RSRC1: variants seen among roughly 807,000 people sequenced by gnomAD.
RSRC1 encodes arginine and serine rich coiled-coil 1, also known as serine/Arginine-related protein 53.
In RSRC1, 39 loss-of-function variants were observed where a neutral mutation model predicts 49.1. The observed-to-expected ratio is 0.79, with a 90% CI of 0.61 to 1.04. The LOEUF is 1.04. RSRC1 is among the 50% of genes least tolerant of loss of function. The pLI is 0.00. For synonymous variants in RSRC1, 143 were observed against 130.8 expected (o/e 1.09, Z -0.63); for missense variants, 388 against 402.4 (o/e 0.96, Z 0.31).
rs527839419 is a variant in RSRC1, at chr3:158,379,240, G to A, written c.583+24332G>A. On this transcript the variant is annotated intron_variant, in intron 6 of 9. Transcript: ENST00000611884. ...TTTTGAGACCGAGTCTCGCTCTGTCGCCCAGGCTGGAGTGCAGTGGCGCGA... is the reference window on the plus strand; with the variant it reads ...TTTTGAGACCGAGTCTCGCTCTGTCACCCAGGCTGGAGTGCAGTGGCGCGA... 1.2e-4 allele frequency among the ~76,000 whole-genome samples: 15 copies of A among 120,192 alleles called. No individual in the cohort carries two copies. The South Asian group carries it at 1.4e-3, about 11-fold the overall frequency. 78.9% of individuals were successfully genotyped at this position (120,192 alleles called of 152,430 possible).
chr3:158,243,950 GT>G (rs57801130), intron 4 of RSRC1, among the ~76,000 whole-genome samples: 34,422 of 134,352 alleles, frequency 0.26, 4,190 homozygotes, highest in South Asian at 0.29. Context: ...TGAGACTATG[GT>G]TTTTTTTTTT....
chr3:158,169,803 C>T (rs370889316), intron 3 of RSRC1, among the ~76,000 whole-genome samples: 44 of 152,162 alleles, frequency 2.9e-4, no homozygotes, highest in East Asian at 2.1e-3. Context: ...TTGACTGTTA[C>T]GATATATGTC....
intron 4 of RSRC1, among the ~76,000 whole-genome samples, chr3:158,235,858 C>T (rs1254136253): frequency 6.6e-6 from 1 of 152,194 alleles, no homozygotes. Flanking sequence ...TGGCTCATGC[C>T]TATCATCCCA....
intron 7 of RSRC1, among the ~76,000 whole-genome samples, chr3:158,475,448 T>G (rs1738325002): frequency 6.6e-6 from 1 of 152,188 alleles, no homozygotes; most frequent in African/African-American, 2.4e-5. Flanking sequence ...TTTTTACAGA[T>G]TGAAGGTTTG....
chr3:158,252,350 A>G (rs1230470278), intron 4 of RSRC1, among the ~76,000 whole-genome samples: 1 of 150,430 alleles, frequency 6.6e-6, no homozygotes, highest in Non-Finnish European at 1.5e-5. Flanking sequence ...TTTTTTAAGT[A>G]GAGATGGGGT....
At chr3:158,259,982 C>G (rs1430174398) in intron 4 of RSRC1, among the ~76,000 whole-genome samples, 1 of 151,852 alleles carries the variant, frequency 6.6e-6, no homozygotes, top group African/African-American at 2.4e-5. Context: ...TAAGTTGGGT[C>G]CCCTGTGGCC....
intron 3 of RSRC1, among the ~76,000 whole-genome samples, chr3:158,129,145 T>C (rs778639712): frequency 4.6e-5 from 7 of 152,114 alleles, no homozygotes; most frequent in South Asian, 2.1e-4. Context: ...TTACTAACTT[T>C]AGCATCTCTC....
chr3:158,399,856 C>T (rs1486788670), intron 6 of RSRC1, among the ~76,000 whole-genome samples: 1 of 152,114 alleles, frequency 6.6e-6, no homozygotes, highest in Non-Finnish European at 1.5e-5. Flanking sequence ...TTACTCTATA[C>T]ATTTCTTTTC....
At chr3:158,186,292 A>G (rs1942068915) in intron 3 of RSRC1, among the ~76,000 whole-genome samples, 1 of 152,022 alleles carries the variant, frequency 6.6e-6, no homozygotes, top group Admixed American at 6.6e-5. Flanking sequence ...TGTTCAGAAT[A>G]CATATGGCCC....
chr3:158,125,380 T>C (rs1354007813), intron 3 of RSRC1, among the ~76,000 whole-genome samples: 1 of 152,160 alleles, frequency 6.6e-6, no homozygotes, highest in Non-Finnish European at 1.5e-5. Context: ...CTTTCAGTAT[T>C]GCTTTTGCTG....
At chr3:158,322,494 A>G (rs947226494) in intron 5 of RSRC1, among the ~76,000 whole-genome samples, 9 of 152,160 alleles carry the variant, frequency 5.9e-5, no homozygotes, top group African/African-American at 2.2e-4. Flanking sequence ...TGTATGTGTC[A>G]TGATGTTTTT....
intron 4 of RSRC1, among the ~76,000 whole-genome samples, chr3:158,256,500 G>T (rs1283690705): frequency 6.6e-6 from 1 of 152,168 alleles, no homozygotes; most frequent in South Asian, 2.1e-4. Context: ...ATGTTCATCA[G>T]GGGTATTGGT....
rs1442871194 is a variant in RSRC1, at chr3:158,308,079, G to A, written c.531+10004G>A. ...CATAATTTGGATTGACTGTTGTTTG[G>A]TTGATATGTAAAAGAAGCTGGTATG... On this transcript the variant is annotated intron_variant, in intron 5 of 9. Coordinates refer to ENST00000611884, the MANE Select transcript of RSRC1 (RefSeq NM_001271838.2). Among the ~76,000 whole-genome samples the A allele has an allele frequency of 4.0e-5, 6 of 151,822 alleles. No individual in the cohort carries two copies. In the South Asian group the frequency reaches 1.2e-3, roughly 31 times the overall value.
At chr3:158,180,546 C>G (rs1263722989) in intron 3 of RSRC1, among the ~76,000 whole-genome samples, 1 of 151,128 alleles carries the variant, frequency 6.6e-6, no homozygotes, top group East Asian at 1.9e-4. Flanking sequence ...ACTGTAGCCT[C>G]TTTCTCCCCA....
chr3:158,165,582 G>A (rs967086511), intron 3 of RSRC1, among the ~76,000 whole-genome samples: 1 of 152,224 alleles, frequency 6.6e-6, no homozygotes, highest in Non-Finnish European at 1.5e-5. Flanking sequence ...GTGGGCTTCA[G>A]CTTAAATGCA....
intron 6 of RSRC1, among the ~76,000 whole-genome samples, chr3:158,434,141 C>T (rs1735918902): frequency 6.6e-6 from 1 of 151,946 alleles, no homozygotes; most frequent in African/African-American, 2.4e-5. Context: ...AGGCCATTCC[C>T]TTTCAGCTCT....
intron 1 of RSRC1, among the ~76,000 whole-genome samples, chr3:158,110,837 C>T (rs553800155): frequency 6.8e-4 from 103 of 152,268 alleles, no homozygotes; most frequent in African/African-American, 2.3e-3. Context: ...GGCATGTGAC[C>T]AAGAGCATAT....
chr3:158,295,982 A>G (rs1454277706), intron 4 of RSRC1, among the ~76,000 whole-genome samples: 2 of 152,208 alleles, frequency 1.3e-5, no homozygotes, highest in South Asian at 2.1e-4. Context: ...ACTAACGTGT[A>G]TGATGATGAG....
chr3:158,254,462 C>T (rs1260672174), intron 4 of RSRC1, among the ~76,000 whole-genome samples: 6 of 152,038 alleles, frequency 3.9e-5, no homozygotes, highest in Admixed American at 6.5e-5. Flanking sequence ...GACGGAGTCT[C>T]GCTCTGTCGC....
Sources: allele counts gnomAD v4.1 joint callset (sites outside exome capture counted in the v4.1 genomes callset), GRCh38; gene constraint gnomAD v4.1.1; transcripts MANE v1.5; gene names NCBI Gene and HGNC (gene_info 2026-07-23, HGNC 2026-07-21).